Variants in CDH22 observed in about 807,000 individuals in gnomAD.
The protein encoded by CDH22 is cadherin-22.
CDH22 carries 30 observed loss-of-function variants against 58.4 expected under a neutral mutation model. The ratio of observed to expected loss-of-function variants is 0.51; its 90% confidence interval spans 0.38 to 0.70. The LOEUF (loss-of-function observed/expected upper bound fraction) is 0.70. CDH22 is among the 30% of genes least tolerant of loss of function. The pLI, the probability that CDH22 is intolerant of heterozygous loss-of-function variation, is 0.00. For synonymous variants in CDH22, 513 were observed against 558.2 expected, an observed-to-expected ratio of 0.92 and a Z score of 1.14; for missense variants, 1,014 against 1,233.9, an observed-to-expected ratio of 0.82 and a Z score of 2.67.
At chr20:46,306,429 T>C (rs945117060) in intron 1 of CDH22, among the ~76,000 whole-genome samples, 3 of 152,238 alleles carry the variant, frequency 2.0e-5, no homozygotes, top group African/African-American at 7.2e-5. Flanking sequence ...AGGGGTCCCC[T>C]GATGGGGCCA....
chr20:46,193,917 G>A (rs1445274650), intron 8 of CDH22, among the ~76,000 whole-genome samples: 3 of 152,168 alleles, frequency 2.0e-5, no homozygotes, highest in African/African-American at 7.2e-5. Context: ...GCTTTGGGAG[G>A]CCAAGGTGGG....
At chr20:46,229,289 G>GC (rs34878778) in intron 3 of CDH22, among the ~76,000 whole-genome samples, 6,595 of 138,216 alleles carry the variant, frequency 0.048, 289 homozygotes, top group African/African-American at 0.11. Context: ...ATGCAGAGTG[G>GC]CCCCCCCCCC....
At chr20:46,291,613 G>A (rs2086603401) in intron 1 of CDH22, among the ~76,000 whole-genome samples, 2 of 152,220 alleles carry the variant, frequency 1.3e-5, no homozygotes, top group African/African-American at 2.4e-5. Flanking sequence ...CCCGAGATAG[G>A]TGCTCTTGTT....
At position 46,216,555 on chromosome 20, in the gene CDH22, C is replaced by T. The variant is rs1032055335; in HGVS notation, c.838+271G>A. The stretch of plus-strand genomic sequence containing the variant: ...TGGATGGGTGGGGCTCCCCCTCTGC[C>T]GGAAGCAAGAGGAGGTCTGGGAAGG... On this transcript the variant is annotated intron_variant, in intron 5 of 11. Transcript: ENST00000537909. The surrounding 1 kb of genome is among the most constrained non-coding windows in gnomAD (Gnocchi z 5.3). Among the ~76,000 whole-genome samples, 4 of 152,182 alleles carry T rather than the reference C, an allele frequency of 2.6e-5. No individual in the cohort carries two copies. Among genetic ancestry groups the T allele is most frequent in the Middle Eastern group, 3.4e-3 (1 of 294 alleles).
chr20:46,186,527 TG>T, intron 10 of CDH22, 60 bp downstream of exon 10: 5 of 1,219,384 alleles, frequency 4.1e-6, no homozygotes, highest in African/African-American at 1.5e-5. Flanking sequence ...GTCTATAATA[TG>T]GGAACAGGGC....
At chr20:46,231,845 C>A (rs1023886934) in intron 3 of CDH22, among the ~76,000 whole-genome samples, 1 of 152,168 alleles carries the variant, frequency 6.6e-6, no homozygotes, top group Non-Finnish European at 1.5e-5. Context: ...TCAGTCAGAT[C>A]TTTTACCCTT....
At position 46,251,496 on chromosome 20, in the gene CDH22, G is replaced by C. The variant is rs1048921320; in HGVS notation, c.-202C>G. 7 of 463,160 alleles carry C rather than the reference G, an allele frequency of 1.5e-5. No individual in the cohort carries two copies. The Admixed American group carries it at 3.3e-4, about 22-fold the overall frequency. 28.7% of individuals were successfully genotyped at this position (463,160 alleles called of 1,614,324 possible). ...GGGGGTACCCGGCTGGAGGGGGAGG[G>C]GGCGCGGCCGCATCCGGGGCATGGA... is the stretch of plus-strand genomic sequence containing the variant. On this transcript the variant is annotated 5_prime_UTR_variant, in exon 2 of 12. Coordinates refer to ENST00000537909, the MANE Select transcript of CDH22 (RefSeq NM_021248.3). This position sits in a 1 kb window ranked among gnomAD's most constrained non-coding sequence, Gnocchi z 6.7.
chr20:46,227,919 T>C (rs988425870), intron 3 of CDH22, among the ~76,000 whole-genome samples: 6 of 152,370 alleles, frequency 3.9e-5, no homozygotes, highest in Non-Finnish European at 8.8e-5. Context: ...TCTCTGAGTC[T>C]GTTTCCTCTT....
At chr20:46,183,989 C>T (rs1410009258) in intron 10 of CDH22, among the ~76,000 whole-genome samples, 1 of 152,160 alleles carries the variant, frequency 6.6e-6, no homozygotes, top group Non-Finnish European at 1.5e-5. Flanking sequence ...CTGGGGTGGT[C>T]GTTTTCTCTC....
intron 2 of CDH22, among the ~76,000 whole-genome samples, chr20:46,242,300 G>T (rs557073886): frequency 6.6e-6 from 1 of 152,278 alleles, no homozygotes; most frequent in African/African-American, 2.4e-5. Context: ...CTCCACACTG[G>T]GCTTTCCCAT....
chr20:46,213,829 A>G (rs1165757196), intron 5 of CDH22, among the ~76,000 whole-genome samples: 1 of 152,230 alleles, frequency 6.6e-6, no homozygotes, highest in Non-Finnish European at 1.5e-5. Context: ...GGTTACAGCA[A>G]CAAATAAAAT....
intron 4 of CDH22, among the ~76,000 whole-genome samples, chr20:46,227,156 A>G (rs2086180920): frequency 6.6e-6 from 1 of 152,198 alleles, no homozygotes; most frequent in African/African-American, 2.4e-5. Flanking sequence ...ACCCCGGAAG[A>G]GCTCAAACGC....
At chr20:46,230,071 G>A (rs894016129) in intron 3 of CDH22, among the ~76,000 whole-genome samples, 1 of 152,164 alleles carries the variant, frequency 6.6e-6, no homozygotes, top group African/African-American at 2.4e-5. Flanking sequence ...GGCCCCAGAG[G>A]AATGGCTTCC....
intron 1 of CDH22, among the ~76,000 whole-genome samples, chr20:46,270,325 A>C (rs1292867903): frequency 6.6e-6 from 1 of 152,174 alleles, no homozygotes; most frequent in Non-Finnish European, 1.5e-5. Flanking sequence ...CTGGGGCTGC[A>C]GGCTGCAGTG....
In CDH22 at chr20:46,306,148, C is replaced by A. The variant is rs189848844; in HGVS notation, c.-400+2107G>T. On this transcript the variant is annotated intron_variant, in intron 1 of 11. Coordinates refer to ENST00000537909, the MANE Select transcript of CDH22 (RefSeq NM_021248.3). The stretch of plus-strand genomic sequence containing the variant: ...GAGCACTGGGGGTCTAACTTGAACA[C>A]CTCATGCTGAATTTAGAGCAAGTGT... Among the ~76,000 whole-genome samples, 250 of 152,384 alleles carry A rather than the reference C, an allele frequency of 1.6e-3. 2 individuals carry two copies. The highest frequency in any genetic ancestry group is 5.9e-3 in the African/African-American group (245 of 41,586).
chr20:46,232,843 C>T (rs1265548899), intron 3 of CDH22, among the ~76,000 whole-genome samples: 1 of 152,178 alleles, frequency 6.6e-6, no homozygotes, highest in Non-Finnish European at 1.5e-5. Context: ...TCTAGCCTCC[C>T]AGCCAGGGCA....
At chr20:46,209,248 T>C (rs1053121174) in intron 7 of CDH22, among the ~76,000 whole-genome samples, 2 of 152,122 alleles carry the variant, frequency 1.3e-5, no homozygotes, top group African/African-American at 2.4e-5. Flanking sequence ...ATGGGGGCTA[T>C]TAGGGCGAGA....
intron 3 of CDH22, among the ~76,000 whole-genome samples, chr20:46,238,650 C>A (rs1345533476): frequency 6.6e-6 from 1 of 152,226 alleles, no homozygotes; most frequent in Non-Finnish European, 1.5e-5. Context: ...TCCTAACAGT[C>A]ATCCTTGAGT....
intron 1 of CDH22, among the ~76,000 whole-genome samples, chr20:46,294,584 T>C (rs1374176783): frequency 6.6e-6 from 1 of 152,158 alleles, no homozygotes; most frequent in Non-Finnish European, 1.5e-5. Context: ...CCCCGGGAAA[T>C]GGCTGCTATG....
Sources: gnomAD v4.1 joint callset for allele counts (sites outside exome capture counted in the v4.1 genomes callset) on GRCh38, gnomAD v4.1.1 for gene constraint, Gnocchi (gnomAD v3.1) non-coding constraint, MANE v1.5 for transcripts, NCBI Gene and HGNC (gene_info 2026-07-23, HGNC 2026-07-21) for gene names.